The following DACH1 variants were observed in gnomAD, a reference collection of about 807,000 sequenced individuals.
DACH1 encodes the protein dachshund family transcription factor 1, also known as dachshund homolog 1.
Under a neutral mutation model 54.2 loss-of-function variants are expected in DACH1, and 12 were observed. The ratio of observed to expected loss-of-function variants is 0.22; its 90% CI spans 0.14 to 0.36. DACH1 has a LOEUF of 0.36. DACH1 is among the 10% of genes least tolerant of loss of function. The probability of loss-of-function intolerance (pLI) is 1.00; values close to 1 mark genes in which losing one functional copy is unlikely to be tolerated. For missense variants in DACH1, 805 were observed against 929.8 expected, an observed-to-expected ratio of 0.87 and a Z score of 1.75; for synonymous variants, 386 against 366.2, an observed-to-expected ratio of 1.05 and a Z score of -0.62.
chr13:71,496,279 A>G (rs1156848757), intron 6 of DACH1, among the ~76,000 whole-genome samples: 1 of 111,178 alleles, frequency 9.0e-6, no homozygotes, highest in East Asian at 2.8e-4. Flanking sequence ...ATATATATAT[A>G]TATATATATA....
chr13:71,675,238 A>T, intron 2 of DACH1: 1 of 1,574,448 alleles, frequency 6.4e-7, no homozygotes, highest in Middle Eastern at 1.8e-4. Context: ...TCAGAAGTCC[A>T]CTGAACTTCT....
chr13:71,792,339 TACACACACACACAC>T (rs140037316), intron 1 of DACH1, among the ~76,000 whole-genome samples: 1 of 148,420 alleles, frequency 6.7e-6, no homozygotes, highest in South Asian at 2.1e-4. Flanking sequence ...AAGTGTTTTG[TACACACACACACAC>T]ACACACACAC....
At chr13:71,806,613 C>T (rs546792637) in intron 1 of DACH1, among the ~76,000 whole-genome samples, 150 of 152,268 alleles carry the variant, frequency 9.9e-4, no homozygotes, top group African/African-American at 3.4e-3. Flanking sequence ...TAATGTCATT[C>T]TAATCAAAAT....
At chr13:71,510,093 T>C (rs1199354226) in intron 6 of DACH1, among the ~76,000 whole-genome samples, 2 of 152,072 alleles carry the variant, frequency 1.3e-5, no homozygotes, top group Non-Finnish European at 2.9e-5. Flanking sequence ...TTGACACCCT[T>C]TCTTAACTTG....
chr13:71,445,608 C>T (rs906405839), intron 10 of DACH1, among the ~76,000 whole-genome samples: 4 of 152,182 alleles, frequency 2.6e-5, no homozygotes, highest in Non-Finnish European at 5.9e-5. Context: ...ATGCACCACG[C>T]ACAGACAGAC....
intron 6 of DACH1, among the ~76,000 whole-genome samples, chr13:71,538,028 A>G (rs534146522): frequency 3.3e-5 from 5 of 152,182 alleles, no homozygotes; most frequent in Admixed American, 6.6e-5. Flanking sequence ...ATTTTCGATG[A>G]ACCCTTTTCT....
intron 3 of DACH1, among the ~76,000 whole-genome samples, chr13:71,596,630 G>A (rs1169004174): frequency 6.6e-6 from 1 of 152,114 alleles, no homozygotes; most frequent in Non-Finnish European, 1.5e-5. Context: ...CCCTCAAATA[G>A]TTAAATTATC....
intron 1 of DACH1, among the ~76,000 whole-genome samples, chr13:71,858,733 G>GT (rs940525125): frequency 9.9e-5 from 15 of 151,614 alleles, no homozygotes; most frequent in African/African-American, 3.4e-4. Context: ...GATTCCACAT[G>GT]TAAGTGATAT....
intron 1 of DACH1, among the ~76,000 whole-genome samples, chr13:71,738,484 C>G (rs1366403887): frequency 2.0e-5 from 3 of 152,052 alleles, no homozygotes; most frequent in African/African-American, 7.2e-5. Flanking sequence ...ATAATCCCAG[C>G]ACCTTGGGAG....
At chr13:71,596,405 T>C (rs1462033040) in intron 3 of DACH1, among the ~76,000 whole-genome samples, 5 of 152,166 alleles carry the variant, frequency 3.3e-5, no homozygotes, top group African/African-American at 1.2e-4. Flanking sequence ...AAAGATACCA[T>C]GGCATTTATA....
intron 3 of DACH1, among the ~76,000 whole-genome samples, chr13:71,621,495 T>G (rs1876233552): frequency 1.3e-5 from 2 of 152,058 alleles, no homozygotes; most frequent in Admixed American, 6.6e-5. Flanking sequence ...CGCTATTAGG[T>G]GCTTTCAAGC....
intron 1 of DACH1, among the ~76,000 whole-genome samples, chr13:71,806,087 G>A (rs546333367): frequency 6.6e-6 from 1 of 152,118 alleles, no homozygotes; most frequent in Non-Finnish European, 1.5e-5. Context: ...GATTATAGGC[G>A]TCAGCCACTG....
At chr13:71,816,662 G>A (rs9529918) in intron 1 of DACH1, among the ~76,000 whole-genome samples, 1,426 of 22,000 alleles carry the variant, frequency 0.065, 32 homozygotes, top group East Asian at 0.29. Flanking sequence ...ATATACACGT[G>A]TATATATATA....
chr13:71,576,215 C>T (rs1885517048), intron 3 of DACH1, among the ~76,000 whole-genome samples: 1 of 152,018 alleles, frequency 6.6e-6, no homozygotes, highest in Non-Finnish European at 1.5e-5. Context: ...ACTGACTTAA[C>T]TGCTATTAAG....
At chr13:71,742,774 A>G (rs1884451719) in intron 1 of DACH1, among the ~76,000 whole-genome samples, 1 of 151,676 alleles carries the variant, frequency 6.6e-6, no homozygotes, top group South Asian at 2.1e-4. Context: ...TACCTCAAGG[A>G]TTTCCCAAAA....
chr13:71,721,856 T>C (rs1159827261), intron 1 of DACH1, among the ~76,000 whole-genome samples: 2 of 152,168 alleles, frequency 1.3e-5, no homozygotes, highest in Admixed American at 6.5e-5. Context: ...TAAAGCATTT[T>C]ACTTCTTGAG....
At chr13:71,772,857 A>T (rs1025814209) in intron 1 of DACH1, among the ~76,000 whole-genome samples, 1 of 151,820 alleles carries the variant, frequency 6.6e-6, no homozygotes, top group African/African-American at 2.4e-5. Flanking sequence ...AGATCTAAAA[A>T]TATGCACATA....
rs978320669 is a variant in DACH1 at position 71,589,826 on chromosome 13, TATC to T, written c.1127-16817_1127-16815del. The stretch of plus-strand genomic sequence containing the variant: ...ACTTAATATAATTGATGTTTTATAT[TATC>T]ATCATTATCACTGATTTTCCTTTTT... On this transcript the variant is annotated intron_variant, in intron 3 of 10. Coordinates refer to ENST00000613252, the MANE Select transcript of DACH1 (RefSeq NM_080759.6). 2.5e-4 allele frequency among the ~76,000 whole-genome samples: 38 copies of T among 152,190 alleles called. No individual in the cohort carries two copies. In the Middle Eastern group the frequency reaches 0.017, roughly 68 times the overall value.
intron 3 of DACH1, among the ~76,000 whole-genome samples, chr13:71,582,324 C>A (rs1872908715): frequency 6.6e-6 from 1 of 152,030 alleles, no homozygotes; most frequent in African/African-American, 2.4e-5. Context: ...CTAAAATATT[C>A]TTTTTAATAA....
Sources: gnomAD v4.1 joint callset for allele counts (sites outside exome capture counted in the v4.1 genomes callset) on GRCh38, gnomAD v4.1.1 for gene constraint, MANE v1.5 for transcripts, NCBI Gene and HGNC (gene_info 2026-07-23, HGNC 2026-07-21) for gene names.